HK1: variants seen among roughly 807,000 people sequenced by gnomAD.
HK1 encodes the protein hexokinase 1.
Under a neutral mutation model 91.6 loss-of-function variants are expected in HK1, and 28 were observed. That is an observed-to-expected ratio of 0.31 (90% CI 0.23 to 0.42). The LOEUF is 0.42. Ranked by LOEUF, HK1 falls within the 10% of genes least tolerant of loss-of-function variation. The pLI is 1.00. For synonymous variants in HK1, 430 were observed against 468.1 expected (o/e 0.92, Z 1.05); for missense variants, 770 against 1,219.8 (o/e 0.63, Z 5.49).
At chr10:69,379,748 TACCATCCCAC>T in intron 8 of HK1, 104 bp from the exon 9 acceptor site, 1 of 807,816 alleles carries the variant, frequency 1.2e-6, no homozygotes, top group Non-Finnish European at 2.2e-6. Flanking sequence ...TACCATCCCA[TACCATCCCAC>T]ACATGGTAAG....
At chr10:69,363,909 A>G (rs537497953) in intron 3 of HK1, among the ~76,000 whole-genome samples, 2 of 152,356 alleles carry the variant, frequency 1.3e-5, no homozygotes, top group Non-Finnish European at 1.5e-5. Context: ...TGGTATATTC[A>G]TACCAAGGAA....
chr10:69,401,568 TC>T lies in HK1; in HGVS notation c.*436del, dbSNP rs1309852859. The T allele has an allele frequency of 2.8e-6, 1 of 362,908 alleles. No homozygotes were observed. The highest frequency in any genetic ancestry group is 5.4e-6 in the Non-Finnish European group (1 of 184,894). 22.5% of individuals were successfully genotyped at this position (362,908 alleles called of 1,614,324 possible). ...ACCAGCAGACACTGCCGGGCCTCCCTCCCGGGGGCACTGCCTGAAGGCGAGT... is the reference window on the plus strand; with the variant it reads ...ACCAGCAGACACTGCCGGGCCTCCCTCCGGGGGCACTGCCTGAAGGCGAGT... On this transcript the variant is annotated 3_prime_UTR_variant, in exon 18 of 18. Coordinates refer to ENST00000359426, the MANE Select transcript of HK1 (RefSeq NM_000188.3).
At chr10:69,375,778 A>T (rs1324851353) in intron 7 of HK1, among the ~76,000 whole-genome samples, 1 of 152,086 alleles carries the variant, frequency 6.6e-6, no homozygotes, top group African/African-American at 2.4e-5. Flanking sequence ...GTCAGCCAGG[A>T]TGTGGGGGCT....
chr10:69,311,102 T>C (rs1462834945), upstream of HK1, among the ~76,000 whole-genome samples: 1 of 151,916 alleles, frequency 6.6e-6, no homozygotes, highest in East Asian at 1.9e-4. Flanking sequence ...CAAGGTTTTA[T>C]ACAGATGAAG....
upstream of HK1, among the ~76,000 whole-genome samples, chr10:69,312,408 C>T (rs536256343): frequency 7.9e-5 from 12 of 152,082 alleles, no homozygotes; most frequent in African/African-American, 2.2e-4. Context: ...AGCTAATGTT[C>T]GTGGTTTTAG....
intron 15 of HK1, among the ~76,000 whole-genome samples, chr10:69,393,643 A>G (rs565956935): frequency 5.9e-5 from 9 of 152,386 alleles, no homozygotes; most frequent in Admixed American, 2.0e-4. Context: ...AAAAAGAGGA[A>G]GAACCAATAG....
chr10:69,302,000 C>T (rs1380805599), intron 5 of HK1, among the ~76,000 whole-genome samples: 2 of 152,114 alleles, frequency 1.3e-5, no homozygotes, highest in Non-Finnish European at 2.9e-5. Flanking sequence ...AATCCTAGAA[C>T]TTTGGGAGGC....
In HK1 at chr10:69,377,053, G is replaced by C. The variant is rs1279280903; in HGVS notation, c.995G>C (p.Gly332Ala). ...GRITPELLTR[G>A]KFNTSDVSAI... ...ATCACCCCGGAGCTGCTCACCCGAG[G>C]GAAGTTTAACACCAGTGATGTGTCA... The change falls in exon 8 of 18, where the codon GGG becomes GCG. Residue 332 changes from glycine to alanine, a missense_variant. Gly to Ala is a moderately conservative substitution (Grantham distance 60, BLOSUM62 0). Coordinates refer to ENST00000359426, the MANE Select transcript of HK1 (RefSeq NM_000188.3). 2 of 1,614,146 alleles carry C rather than the reference G, an allele frequency of 1.2e-6. No individual in the cohort carries two copies.
At chr10:69,306,987 T>C (rs77938073) in intron 5 of HK1, among the ~76,000 whole-genome samples, 124 of 152,262 alleles carry the variant, frequency 8.1e-4, no homozygotes, top group African/African-American at 2.9e-3. Context: ...TTCACAAATA[T>C]GTGTTGGGTG....
At chr10:69,397,516 C>T (rs191571971) in intron 16 of HK1, among the ~76,000 whole-genome samples, 18 of 152,240 alleles carry the variant, frequency 1.2e-4, no homozygotes, top group African/African-American at 1.2e-4. Flanking sequence ...TATGACAAGA[C>T]GCCTAGCAGG....
chr10:69,321,868 C>T (rs1199947083), intron 1 of HK1, among the ~76,000 whole-genome samples: 1 of 152,148 alleles, frequency 6.6e-6, no homozygotes, highest in Non-Finnish European at 1.5e-5. Context: ...TGGCATTAGG[C>T]TGAGCTAAGC....
In HK1 at chr10:69,369,184, GA is replaced by G. The variant is rs1849865552; in HGVS notation, c.592-52del. The G allele has an allele frequency of 2.2e-6, 3 of 1,351,918 alleles. No individual in the cohort carries two copies. The highest frequency in any genetic ancestry group is 1.1e-6 in the Non-Finnish European group (1 of 942,112). The allele number at this position is 1,351,918 out of a possible 1,614,324, so 83.7% of individuals were successfully genotyped here. A position where few individuals can be genotyped will look rare whatever the true frequency, so the allele number is the denominator to read the frequency against. On this transcript the variant is annotated intron_variant, in intron 5 of 17. Coordinates refer to ENST00000359426, the MANE Select transcript of HK1 (RefSeq NM_000188.3). The surrounding 1 kb of genome is among the most constrained non-coding windows in gnomAD (Gnocchi z 4.4). Reference sequence around the variant, plus strand: ...TCTGCCAAGCGCTGTTAAGGTGTGTGATCTCTGCTCCCATGTGTGAGTGGAC... The same window carrying G: ...TCTGCCAAGCGCTGTTAAGGTGTGTGTCTCTGCTCCCATGTGTGAGTGGAC...
At chr10:69,316,929 C>A (rs1157598565), upstream of HK1, among the ~76,000 whole-genome samples, 1 of 152,188 alleles carries the variant, frequency 6.6e-6, no homozygotes, top group African/African-American at 2.4e-5. Context: ...TGTTCTCATT[C>A]ACTCCATTTT....
At chr10:69,382,878 G>A in intron 10 of HK1, 87 bp downstream of exon 10, 2 of 1,290,142 alleles carry the variant, frequency 1.6e-6, no homozygotes, top group South Asian at 2.5e-5. Context: ...GCCAGTGGAT[G>A]CCTTCACACT....
intron 3 of HK1, among the ~76,000 whole-genome samples, chr10:69,289,773 A>ATTTTT (rs35585147): frequency 7.4e-6 from 1 of 135,538 alleles, no homozygotes. Flanking sequence ...CACCCGGCCA[A>ATTTTT]TTTTTTTTTT....
chr10:69,388,052 G>A (rs1839727075), intron 13 of HK1, among the ~76,000 whole-genome samples: 1 of 152,182 alleles, frequency 6.6e-6, no homozygotes, highest in South Asian at 2.1e-4. Context: ...TTTGTCTGCT[G>A]TCTTTTGCAG....
chr10:69,283,756 C>T (rs1052935560), intron 2 of HK1, among the ~76,000 whole-genome samples: 7 of 128,616 alleles, frequency 5.4e-5, no homozygotes, highest in South Asian at 2.5e-4. Context: ...TTCGCACCAC[C>T]GCACTGCATT....
At chr10:69,389,929 A>G (rs888899357) in intron 14 of HK1, among the ~76,000 whole-genome samples, 1 of 152,192 alleles carries the variant, frequency 6.6e-6, no homozygotes, top group Non-Finnish European at 1.5e-5. Flanking sequence ...GATTTGGGCT[A>G]TGAGGAAACC....
At chr10:69,319,213 G>T (rs894370902) in intron 1 of HK1, 3 of 666,056 alleles carry the variant, frequency 4.5e-6, no homozygotes, top group Non-Finnish European at 7.7e-6. Flanking sequence ...TTTGGGAGGG[G>T]GGCAATCGGG....
Sources: allele counts gnomAD v4.1 joint callset (sites outside exome capture counted in the v4.1 genomes callset), GRCh38; gene constraint gnomAD v4.1.1; non-coding constraint Gnocchi (gnomAD v3.1); transcripts MANE v1.5; gene names NCBI Gene and HGNC (gene_info 2026-07-23, HGNC 2026-07-21).